Variants in RASGEF1A observed in about 807,000 individuals in gnomAD.
RASGEF1A encodes ras-GEF domain-containing family member 1A.
A neutral mutation model predicts 56.4 loss-of-function variants in RASGEF1A; 18 were observed. That is an observed-to-expected ratio of 0.32 (90% CI 0.22 to 0.47). The LOEUF (loss-of-function observed/expected upper bound fraction) is 0.47. RASGEF1A is among the 20% of genes least tolerant of loss of function. RASGEF1A has a pLI of 1.00. For missense variants in RASGEF1A, 422 were observed against 627.1 expected (o/e 0.67, Z 3.49); for synonymous variants, 245 against 242.6 (o/e 1.01, Z -0.09).
chr10:43,231,339 C>T (rs889704208), intron 1 of RASGEF1A, among the ~76,000 whole-genome samples: 4 of 152,248 alleles, frequency 2.6e-5, no homozygotes, highest in Admixed American at 2.6e-4. Context: ...GAGGCACCTG[C>T]CCCTGCCTTC....
chr10:43,218,735 C>T (rs78764998), intron 1 of RASGEF1A, among the ~76,000 whole-genome samples: 5 of 152,386 alleles, frequency 3.3e-5, no homozygotes, highest in African/African-American at 7.2e-5. Flanking sequence ...GGCCTCAGGC[C>T]GGACTCCAAC....
chr10:43,227,827 C>A (rs556868763), intron 1 of RASGEF1A, among the ~76,000 whole-genome samples: 1 of 152,142 alleles, frequency 6.6e-6, no homozygotes, highest in Non-Finnish European at 1.5e-5. Context: ...CTCCTTCCTG[C>A]GCCAGCCTGA....
At position 43,195,652 on chromosome 10, in the gene RASGEF1A, CTT is replaced by C. The variant is rs1458884883; in HGVS notation, c.*590_*591del. The C allele has an allele frequency of 2.0e-5, 3 of 152,648 alleles. No homozygotes were observed. The highest frequency in any genetic ancestry group is 7.2e-5 in the African/African-American group (3 of 41,450). The allele number at this position is 152,648 out of a possible 1,614,324, so 9.5% of individuals were successfully genotyped here. ...CCTGAAAGGAAAATGAAAATGTAAA[CTT>C]TGGACAGCCCGTACTCAAAGGCTCA... On this transcript the variant is annotated 3_prime_UTR_variant, in exon 13 of 13. Transcript: ENST00000395810. The surrounding 1 kb of genome is among the most constrained non-coding windows in gnomAD (Gnocchi z 4.2).
intron 1 of RASGEF1A, chr10:43,229,805 A>AC: frequency 8.4e-7 from 1 of 1,195,282 alleles, no homozygotes; most frequent in Non-Finnish European, 1.1e-6. Context: ...GAAGCAGGGA[A>AC]CCGAGGGGCT....
Position 43,199,688 on chromosome 10 carries a change from A to G in RASGEF1A, c.837T>C (p.Thr279=). Residue 279 remains threonine, a synonymous_variant, in exon 7 of 13, where the codon ACT becomes ACC. Transcript: ENST00000395810. ...CATGGGCACTTACCCGGCACACCTC[A>G]GTGGCCACCAGCATGCTCAGGCAGT... ...WFNCLSMLVA[T]EVCRVVKKKH... is the part of the protein sequence containing the mutation. The G allele has an allele frequency of 6.2e-7, 1 of 1,613,398 alleles. No individual in the cohort carries two copies. The highest frequency in any genetic ancestry group is 8.5e-7 in the Non-Finnish European group (1 of 1,179,896).
intron 1 of RASGEF1A, among the ~76,000 whole-genome samples, chr10:43,239,937 A>G (rs989246587): frequency 6.6e-6 from 1 of 152,230 alleles, no homozygotes; most frequent in Non-Finnish European, 1.5e-5. Context: ...GGAAAGTTTC[A>G]GTAATGACAT....
chr10:43,195,114 A>ATT lies in RASGEF1A; in HGVS notation c.*1129_*1130insAA. The stretch of plus-strand genomic sequence containing the variant: ...CAAGGATGCGGAGTTCCTGCGAGGG[A>ATT]GACGGTCCACGTGGATTGACCGTGT... On this transcript the variant is annotated 3_prime_UTR_variant, in exon 13 of 13. Transcript: ENST00000395810. This position sits in a 1 kb window ranked among gnomAD's most constrained non-coding sequence, Gnocchi z 4.2. 6.6e-6 allele frequency: 1 copy of ATT among 152,322 alleles called. No homozygotes were observed. Among genetic ancestry groups the ATT allele is most frequent in the African/African-American group, 2.4e-5 (1 of 41,534 alleles). The allele number at this position is 152,322 out of a possible 1,614,324, so 9.4% of individuals were successfully genotyped here. A position where few individuals can be genotyped will look rare whatever the true frequency, so the allele number is the denominator to read the frequency against.
At chr10:43,229,584 C>T in intron 1 of RASGEF1A, 1 of 1,427,868 alleles carries the variant, frequency 7.0e-7, no homozygotes, top group Non-Finnish European at 9.3e-7. Flanking sequence ...CCGAGCCCGA[C>T]AGCGCAAGAA....
At chr10:43,223,302 A>G (rs1301180901) in intron 1 of RASGEF1A, among the ~76,000 whole-genome samples, 1 of 152,210 alleles carries the variant, frequency 6.6e-6, no homozygotes, top group Non-Finnish European at 1.5e-5. Context: ...TGCAGGTGAG[A>G]GAATGACATA....
intron 1 of RASGEF1A, among the ~76,000 whole-genome samples, chr10:43,209,892 A>C (rs1243370344): frequency 6.6e-6 from 1 of 152,042 alleles, no homozygotes; most frequent in Non-Finnish European, 1.5e-5. Context: ...CCTGAGCCAG[A>C]AACTGGTGGG....
At chr10:43,235,102 C>T (rs1019273326) in intron 1 of RASGEF1A, among the ~76,000 whole-genome samples, 1 of 152,232 alleles carries the variant, frequency 6.6e-6, no homozygotes, top group African/African-American at 2.4e-5. Flanking sequence ...TCAGGCCATA[C>T]CATTAGTGCT....
intron 1 of RASGEF1A, among the ~76,000 whole-genome samples, chr10:43,223,852 A>G (rs1340250308): frequency 1.3e-5 from 2 of 152,118 alleles, no homozygotes. Flanking sequence ...TATTTTAAAA[A>G]AGAAAGGGAG....
chr10:43,233,894 C>G (rs1259199572), intron 1 of RASGEF1A, among the ~76,000 whole-genome samples: 1 of 152,246 alleles, frequency 6.6e-6, no homozygotes, highest in South Asian at 2.1e-4. Context: ...TTCCACCGAG[C>G]TGTGGCATGT....
intron 1 of RASGEF1A, among the ~76,000 whole-genome samples, chr10:43,215,883 T>G (rs1840130399): frequency 6.6e-6 from 1 of 152,170 alleles, no homozygotes; most frequent in South Asian, 2.1e-4. Flanking sequence ...AACCTCTGCC[T>G]GGGCGGTGAG....
chr10:43,205,845 CCCTCCCACACCCGACATCT>C, intron 2 of RASGEF1A, 55 bp downstream of exon 2: 4 of 1,269,044 alleles, frequency 3.2e-6, no homozygotes, highest in Non-Finnish European at 4.5e-6. Context: ...GTGGGGGCCT[CCCTCCCACACCCGACATCT>C]CCTGGAGCCC....
At chr10:43,227,405 A>G (rs987973522) in intron 1 of RASGEF1A, among the ~76,000 whole-genome samples, 11 of 152,062 alleles carry the variant, frequency 7.2e-5, no homozygotes, top group African/African-American at 2.7e-4. Flanking sequence ...CCCAATGCAC[A>G]GAGGTGGTGG....
chr10:43,235,682 GC>G (rs1160928308), intron 1 of RASGEF1A, among the ~76,000 whole-genome samples: 10 of 152,208 alleles, frequency 6.6e-5, no homozygotes, highest in African/African-American at 1.9e-4. Flanking sequence ...GGGATGCAGG[GC>G]CTCTGGTCCA....
intron 1 of RASGEF1A, among the ~76,000 whole-genome samples, chr10:43,253,435 G>C (rs1454229552): frequency 6.6e-6 from 1 of 152,260 alleles, no homozygotes; most frequent in African/African-American, 2.4e-5. Flanking sequence ...GACTCTGTAG[G>C]TGTAATTAGG....
intron 1 of RASGEF1A, among the ~76,000 whole-genome samples, chr10:43,213,306 A>C (rs78640693): frequency 0.057 from 8,683 of 151,686 alleles, 647 homozygotes; most frequent in African/African-American, 0.17. Context: ...TCAGCACATA[A>C]CCCATGCATG....
Sources: gnomAD v4.1 joint callset for allele counts (sites outside exome capture counted in the v4.1 genomes callset) on GRCh38, gnomAD v4.1.1 for gene constraint, Gnocchi (gnomAD v3.1) non-coding constraint, MANE v1.5 for transcripts, NCBI Gene and HGNC (gene_info 2026-07-23, HGNC 2026-07-21) for gene names.